Variants in CNTLN observed in about 807,000 individuals in gnomAD.
CNTLN encodes the protein centlein, centrosomal protein.
In CNTLN, 212 loss-of-function variants were observed where a neutral mutation model predicts 180.0. That is an observed-to-expected ratio of 1.18 (90% CI 1.05 to 1.32). The LOEUF is 1.32. Among genes scored for constraint, CNTLN ranks in the 40% most tolerant of loss-of-function variants. The pLI is 0.00. For synonymous variants in CNTLN, 722 were observed against 563.1 expected (o/e 1.28, Z -3.99); for missense variants, 2,095 against 1,610.9 (o/e 1.30, Z -5.14).
intron 18 of CNTLN, among the ~76,000 whole-genome samples, chr9:17,424,114 T>G (rs1034526640): frequency 6.6e-6 from 1 of 152,186 alleles, no homozygotes; most frequent in Non-Finnish European, 1.5e-5. Flanking sequence ...CCTCCCTCAA[T>G]CTCATTTATT....
intron 19 of CNTLN, among the ~76,000 whole-genome samples, chr9:17,458,248 AG>A (rs1831254148): frequency 6.6e-6 from 1 of 151,950 alleles, no homozygotes; most frequent in African/African-American, 2.4e-5. Context: ...TCTAAGACCA[AG>A]CGAAACTGTC....
chr9:17,376,157 A>G (rs1824739826), intron 13 of CNTLN, among the ~76,000 whole-genome samples: 1 of 152,158 alleles, frequency 6.6e-6, no homozygotes, highest in Non-Finnish European at 1.5e-5. Context: ...CAGCTTCTGA[A>G]TCACATTGTC....
At chr9:17,512,751 G>A in the CNTLN span, among the ~76,000 whole-genome samples, 3 of 152,168 alleles carry the variant, frequency 2.0e-5, no homozygotes, top group Admixed American at 1.3e-4. Flanking sequence ...GATTAGTTAC[G>A]TCTGGAGAGA....
chr9:17,401,764 A>T (rs751791191), intron 15 of CNTLN, among the ~76,000 whole-genome samples: 4 of 151,878 alleles, frequency 2.6e-5, no homozygotes, highest in Non-Finnish European at 4.4e-5. Flanking sequence ...CATCTCTAGG[A>T]AGTATACTTA....
At chr9:17,407,504 A>C (rs562106871) in intron 15 of CNTLN, among the ~76,000 whole-genome samples, 2 of 152,326 alleles carry the variant, frequency 1.3e-5, no homozygotes, top group East Asian at 3.9e-4. Flanking sequence ...AAGATCCCCA[A>C]AGATCTCAGT....
chr9:17,170,717 A>T (rs1470272353), intron 2 of CNTLN, among the ~76,000 whole-genome samples: 1 of 151,638 alleles, frequency 6.6e-6, no homozygotes, highest in Non-Finnish European at 1.5e-5. Context: ...TATATCATTT[A>T]ATCATCCATC....
intron 25 of CNTLN, among the ~76,000 whole-genome samples, chr9:17,487,525 C>G (rs1002755625): frequency 1.3e-5 from 2 of 152,152 alleles, no homozygotes; most frequent in African/African-American, 4.8e-5. Context: ...TTCCCGCATT[C>G]TCTACAATAT....
At chr9:17,340,327 A>G (rs1821375812) in intron 10 of CNTLN, among the ~76,000 whole-genome samples, 1 of 152,130 alleles carries the variant, frequency 6.6e-6, no homozygotes, top group Admixed American at 6.6e-5. Context: ...TCCTTCTAAC[A>G]TAGGGTCCAA....
chr9:17,290,262 C>G (rs935547611), intron 6 of CNTLN, among the ~76,000 whole-genome samples: 1 of 151,786 alleles, frequency 6.6e-6, no homozygotes, highest in Non-Finnish European at 1.5e-5. Context: ...GTTGGAATAC[C>G]CTGCCATGTG....
At chr9:17,504,250 CTG>C (rs529558846), downstream of CNTLN, among the ~76,000 whole-genome samples, 547 of 152,242 alleles carry the variant, frequency 3.6e-3, 4 homozygotes, top group African/African-American at 0.012. Flanking sequence ...TGTGATGACA[CTG>C]TATACCCAAA....
chr9:17,501,554 C>T (rs1166433280), intron 25 of CNTLN, among the ~76,000 whole-genome samples: 5 of 152,228 alleles, frequency 3.3e-5, no homozygotes, highest in Non-Finnish European at 7.3e-5. Context: ...GCCGTTAGGC[C>T]ATCTTGGGTC....
chr9:17,509,271 C>T, the CNTLN span, among the ~76,000 whole-genome samples: 6 of 152,168 alleles, frequency 3.9e-5, no homozygotes, highest in African/African-American at 1.4e-4. Flanking sequence ...GGTGATCAGC[C>T]AGCTACCTGG....
the CNTLN span, among the ~76,000 whole-genome samples, chr9:17,519,675 A>G: frequency 6.6e-5 from 10 of 152,202 alleles, no homozygotes; most frequent in African/African-American, 2.2e-4. Flanking sequence ...GATGAAAAAT[A>G]AAATTATGTG....
chr9:17,504,839 C>G (rs1278524430), downstream of CNTLN, among the ~76,000 whole-genome samples: 1 of 152,136 alleles, frequency 6.6e-6, no homozygotes, highest in Non-Finnish European at 1.5e-5. Flanking sequence ...CCTGTCAGCA[C>G]CTTGACTTTA....
At chr9:17,336,227 C>T (rs1343943008) in intron 10 of CNTLN, among the ~76,000 whole-genome samples, 1 of 152,088 alleles carries the variant, frequency 6.6e-6, no homozygotes, top group Non-Finnish European at 1.5e-5. Context: ...ATAATCCAAA[C>T]TACAGTTAAC....
At chr9:17,245,685 C>T (rs926059256) in intron 5 of CNTLN, among the ~76,000 whole-genome samples, 2 of 151,916 alleles carry the variant, frequency 1.3e-5, no homozygotes, top group East Asian at 3.9e-4. Flanking sequence ...TAGATTTGCC[C>T]TTTCACTTTA....
chr9:17,178,537 C>G (rs949205903), intron 2 of CNTLN, among the ~76,000 whole-genome samples: 2 of 152,102 alleles, frequency 1.3e-5, no homozygotes, highest in African/African-American at 2.4e-5. Context: ...ATGGGGGACT[C>G]AGGCATGGCG....
intron 2 of CNTLN, among the ~76,000 whole-genome samples, chr9:17,181,647 C>T (rs1442711259): frequency 1.3e-5 from 2 of 152,278 alleles, no homozygotes; most frequent in East Asian, 3.9e-4. Context: ...TTATTTAAAC[C>T]TTCTATTTTC....
chr9:17,165,391 G>A (rs1382140626), intron 2 of CNTLN, among the ~76,000 whole-genome samples: 1 of 152,142 alleles, frequency 6.6e-6, no homozygotes. Context: ...AGGTGACAGT[G>A]GATGACAGAT....
Sources: gnomAD v4.1 joint callset for allele counts (sites outside exome capture counted in the v4.1 genomes callset) on GRCh38, gnomAD v4.1.1 for gene constraint, MANE v1.5 for transcripts, NCBI Gene and HGNC (gene_info 2026-07-23, HGNC 2026-07-21) for gene names.